Variants in PDE6A observed in about 807,000 individuals in gnomAD.
PDE6A encodes the protein phosphodiesterase 6A.
A neutral mutation model predicts 106.3 loss-of-function variants in PDE6A; 84 were observed. That is an observed-to-expected ratio of 0.79 (90% CI 0.66 to 0.95). The LOEUF (loss-of-function observed/expected upper bound fraction) is 0.95. PDE6A is among the 40% of genes least tolerant of loss of function. PDE6A has a pLI of 0.00. For missense variants in PDE6A, 1,052 were observed against 1,084.9 expected (o/e 0.97, Z 0.43); for synonymous variants, 394 against 386.6 (o/e 1.02, Z -0.23).
intron 8 of PDE6A, among the ~76,000 whole-genome samples, chr5:149,902,332 C>T (rs1045534952): frequency 1.3e-5 from 2 of 152,122 alleles, no homozygotes; most frequent in Non-Finnish European, 2.9e-5. Flanking sequence ...GAATCTCCAG[C>T]GATGCCCCTC....
intron 10 of PDE6A, among the ~76,000 whole-genome samples, chr5:149,897,604 G>C (rs1434075341): frequency 6.6e-6 from 1 of 151,824 alleles, no homozygotes; most frequent in African/African-American, 2.4e-5. Context: ...CTTTTTTTCT[G>C]GTCTCACTCT....
intron 12 of PDE6A, 145 bp from the exon 13 acceptor site, chr5:149,895,435 G>T (rs1282153160): frequency 1.4e-6 from 1 of 700,178 alleles, no homozygotes; most frequent in African/African-American, 1.8e-5. Context: ...GGACCAGGAG[G>T]TGAGAGCTTG....
chr5:149,932,202 G>T, intron 3 of PDE6A: 21 of 1,287,732 alleles, frequency 1.6e-5, no homozygotes, highest in Non-Finnish European at 2.4e-5. Context: ...TTCAATTGTT[G>T]TATCTGTATT....
intron 6 of PDE6A, among the ~76,000 whole-genome samples, chr5:149,908,131 G>T (rs546527866): frequency 1.2e-4 from 19 of 152,114 alleles, no homozygotes; most frequent in African/African-American, 4.3e-4. Context: ...ACTGTACAAC[G>T]TATATTATTT....
rs146758169 is a variant in PDE6A at position 149,898,956 on chromosome 5, T to C, written c.1263+419A>G. Reference sequence around the variant, plus strand: ...ATGGCTCACTGCAGCTTTGACCTCTTGGGCTCAAGTGATCCTCTTGCTTCA... The same window carrying C: ...ATGGCTCACTGCAGCTTTGACCTCTCGGGCTCAAGTGATCCTCTTGCTTCA... On this transcript the variant is annotated intron_variant, in intron 9 of 21. Coordinates refer to ENST00000255266, the MANE Select transcript of PDE6A (RefSeq NM_000440.3). 7.0e-4 allele frequency among the ~76,000 whole-genome samples: 107 copies of C among 152,328 alleles called. 1 individual carries two copies. The East Asian group carries it at 0.019, about 27-fold the overall frequency.
At position 149,863,653 on chromosome 5, in the gene PDE6A, CCTCA is replaced by C. The variant is rs1760224769; in HGVS notation, c.2359-391_2359-388del. Reference sequence around the variant, plus strand: ...TTTTTTTTTTCTTTCCAAGACAGGGCCTCACTGTCATCCAGGCTGGAGTGCAGTG... The same window carrying C: ...TTTTTTTTTTCTTTCCAAGACAGGGCCTGTCATCCAGGCTGGAGTGCAGTG... On this transcript the variant is annotated intron_variant, in intron 20 of 21. Coordinates refer to ENST00000255266, the MANE Select transcript of PDE6A (RefSeq NM_000440.3). This position sits in a 1 kb window ranked among gnomAD's most constrained non-coding sequence, Gnocchi z 4.7. 6.6e-6 allele frequency among the ~76,000 whole-genome samples: 1 copy of C among 151,922 alleles called. No individual in the cohort carries two copies. Among genetic ancestry groups the C allele is most frequent in the Admixed American group, 6.6e-5 (1 of 15,250 alleles).
At chr5:149,938,681 T>C (rs1286425375) in intron 1 of PDE6A, among the ~76,000 whole-genome samples, 2 of 152,250 alleles carry the variant, frequency 1.3e-5, no homozygotes, top group Admixed American at 6.5e-5. Context: ...AATTTTTTAG[T>C]GTAACTGTGT....
intron 17 of PDE6A, among the ~76,000 whole-genome samples, chr5:149,872,002 T>C (rs998164813): frequency 2.6e-5 from 4 of 152,194 alleles, no homozygotes; most frequent in African/African-American, 9.7e-5. Context: ...ATGGTTATAA[T>C]GCAGAAAGAA....
intron 5 of PDE6A, among the ~76,000 whole-genome samples, chr5:149,916,705 C>T (rs528782846): frequency 1.2e-4 from 18 of 152,232 alleles, no homozygotes; most frequent in Admixed American, 7.2e-4. Context: ...TATGCCCAAG[C>T]GTGATGAGCA....
intron 6 of PDE6A, among the ~76,000 whole-genome samples, chr5:149,913,936 T>C (rs2113626916): frequency 6.6e-6 from 1 of 152,226 alleles, no homozygotes; most frequent in East Asian, 1.9e-4. Context: ...TCTTTCCTTT[T>C]CTTTTCACTG....
intron 14 of PDE6A, 77 bp downstream of exon 14, chr5:149,886,188 A>G (rs1752291386): frequency 9.2e-7 from 1 of 1,086,036 alleles, no homozygotes; most frequent in Admixed American, 1.8e-5. Context: ...CCTGTTGGCC[A>G]GTGAGTCTGC....
Position 149,896,427 on chromosome 5 carries a change from C to G in PDE6A, c.1549G>C (p.Glu517Gln). 1 of 1,614,080 alleles carries G rather than the reference C, an allele frequency of 6.2e-7. No homozygotes were observed. The highest frequency in any genetic ancestry group is 8.5e-7 in the Non-Finnish European group (1 of 1,179,938). The change falls in exon 12 of 22, where the codon GAG becomes CAG. Residue 517 changes from glutamate (E) to glutamine (Q), a missense_variant. Physicochemically the swap from Glu to Gln is conservative, Grantham distance 29. Transcript: ENST00000255266. ...HFSDLPLTEL[E>Q]LVKCGIQMYY... ...ATCTGTATTCCACATTTTACCAGCT[C>G]CAGTTCTGTTAGGGGTAAGTCACTG...
intron 5 of PDE6A, among the ~76,000 whole-genome samples, chr5:149,920,942 A>G (rs966800473): frequency 9.2e-5 from 10 of 108,280 alleles, no homozygotes; most frequent in East Asian, 2.6e-4. Context: ...GAAAGAGAGA[A>G]AAAGAAAGAA....
chr5:149,888,885 C>T (rs1036607549), intron 13 of PDE6A, among the ~76,000 whole-genome samples: 2 of 151,712 alleles, frequency 1.3e-5, no homozygotes, highest in Non-Finnish European at 2.9e-5. Flanking sequence ...AGATCGAGAC[C>T]ATCCTGGCTA....
rs192618681 is a variant in PDE6A at position 149,944,290 on chromosome 5, G to A, written c.384C>T (p.Pro128=). 195 of 1,613,916 alleles carry A rather than the reference G, an allele frequency of 1.2e-4. No individual in the cohort carries two copies. The highest frequency in any genetic ancestry group is 1.6e-4 in the Middle Eastern group (1 of 6,062). The part of the protein sequence containing the change: ...DAVLEDCLVM[P]DQEIVFPLDM... ...CCAAAGGGAAGACGATCTCTTGGTC[G>A]GGCATCACCAGGCAGTCCTCGAGGA... Residue 128 remains proline (P), a synonymous_variant, in exon 1 of 22, where the codon CCC becomes CCT. Coordinates refer to ENST00000255266, the MANE Select transcript of PDE6A (RefSeq NM_000440.3).
intron 17 of PDE6A, among the ~76,000 whole-genome samples, chr5:149,871,176 G>A (rs926685799): frequency 4.6e-5 from 7 of 152,138 alleles, no homozygotes; most frequent in Admixed American, 2.6e-4. Context: ...AGATGAGGTC[G>A]TAAGGTTGCA....
rs1760047919 is a variant in PDE6A at position 149,859,309 on chromosome 5, T to C, written c.*1586A>G. 2 of 152,208 alleles carry C rather than the reference T, an allele frequency of 1.3e-5. No individual in the cohort carries two copies. The highest frequency in any genetic ancestry group is 4.8e-5 in the African/African-American group (2 of 41,448). The allele number at this position is 152,208 out of a possible 1,614,324, so 9.4% of individuals were successfully genotyped here. ...AACTAAATTCAATATGTGAATTTGT[T>C]TGGATCAGATTCAGGCAAGCCAACC... On this transcript the variant is annotated 3_prime_UTR_variant, in exon 22 of 22. Coordinates refer to ENST00000255266, the MANE Select transcript of PDE6A (RefSeq NM_000440.3).
intron 13 of PDE6A, 120 bp downstream of exon 13, chr5:149,895,061 TAA>T: frequency 1.4e-6 from 1 of 721,572 alleles, no homozygotes; most frequent in Non-Finnish European, 2.6e-6. Flanking sequence ...TGCTTTCACA[TAA>T]CTCTTAAAAG....
intron 20 of PDE6A, among the ~76,000 whole-genome samples, chr5:149,864,547 A>C (rs1172956215): frequency 1.3e-5 from 2 of 152,236 alleles, no homozygotes; most frequent in Admixed American, 6.5e-5. Flanking sequence ...GATGATTCTT[A>C]AAGGCTCTTA....
Sources: gnomAD v4.1 joint callset for allele counts (sites outside exome capture counted in the v4.1 genomes callset) on GRCh38, gnomAD v4.1.1 for gene constraint, Gnocchi (gnomAD v3.1) non-coding constraint, MANE v1.5 for transcripts, NCBI Gene and HGNC (gene_info 2026-07-23, HGNC 2026-07-21) for gene names.